CISD2: variants seen among roughly 807,000 people sequenced by gnomAD.
CISD2 encodes CDGSH iron sulfur domain 2.
A neutral mutation model predicts 12.9 loss-of-function variants in CISD2; 1 was observed. That is an observed-to-expected ratio of 0.08 (90% confidence interval 0.03 to 0.37). The LOEUF (loss-of-function observed/expected upper bound fraction) is 0.37. Ranked by LOEUF, CISD2 falls within the 10% of genes least tolerant of loss-of-function variation. CISD2 has a pLI of 0.99. For synonymous variants in CISD2, 50 were observed against 60.6 expected (o/e 0.83, Z 0.81); for missense variants, 97 against 163.1 (o/e 0.59, Z 2.21).
At chr4:102,887,150 A>G (rs1733968121) in intron 2 of CISD2, among the ~76,000 whole-genome samples, 191 bp from the exon 3 acceptor site, 1 of 152,224 alleles carries the variant, frequency 6.6e-6, no homozygotes, top group African/African-American at 2.4e-5. Flanking sequence ...AAACCAAATA[A>G]TGAAGTAACT....
intron 1 of CISD2, 77 bp from the exon 2 acceptor site, chr4:102,885,139 T>C: frequency 8.9e-7 from 1 of 1,120,640 alleles, no homozygotes; most frequent in South Asian, 1.3e-5. Context: ...AAGAATAAGC[T>C]CAAGGATGAA....
Position 102,891,878 on chromosome 4 carries a change from TC to T in CISD2, c.*4450del, listed in dbSNP as rs1257049549. The T allele has an allele frequency of 5.1e-4, 77 of 152,280 alleles. No individual in the cohort carries two copies. The highest frequency in any genetic ancestry group is 1.8e-3 in the African/African-American group (75 of 41,552). The allele number at this position is 152,280 out of a possible 1,614,324, so 9.4% of individuals were successfully genotyped here. The stretch of plus-strand genomic sequence containing the variant: ...CAGCAGTTCTGTGACTCCCTCAACA[TC>T]CGGTTGGCCATATAGTCCCTTTGCA... On this transcript the variant is annotated 3_prime_UTR_variant, in exon 3 of 3. Transcript: ENST00000273986.
At chr4:102,875,751 A>G (rs223325) in intron 1 of CISD2, among the ~76,000 whole-genome samples, 83,004 of 152,014 alleles carry the variant, frequency 0.55, 23,285 homozygotes, top group African/African-American at 0.68. Flanking sequence ...TTACCTAACT[A>G]TATAGTTTTA....
chr4:102,886,081 C>T (rs1313613455), intron 2 of CISD2, among the ~76,000 whole-genome samples: 1 of 152,036 alleles, frequency 6.6e-6, no homozygotes, highest in Non-Finnish European at 1.5e-5. Flanking sequence ...TTTTTATAAA[C>T]TAAATATCTG....
rs1353311133 is a variant in CISD2 at position 102,891,693 on chromosome 4, T to G, written c.*4263T>G. On this transcript the variant is annotated 3_prime_UTR_variant, in exon 3 of 3. Transcript: ENST00000273986. Reference sequence around the variant, plus strand: ...AGTTTTCCCATTCAATTGAAACATTTTTCAAGCTTAATGACTATAATTTAC... The same window carrying G: ...AGTTTTCCCATTCAATTGAAACATTGTTCAAGCTTAATGACTATAATTTAC... 1.3e-5 allele frequency: 2 copies of G among 152,236 alleles called. No homozygotes were observed. The highest frequency in any genetic ancestry group is 4.8e-5 in the African/African-American group (2 of 41,466). 9.4% of individuals were successfully genotyped at this position (152,236 alleles called of 1,614,324 possible). A position where few individuals can be genotyped will look rare whatever the true frequency, so the allele number is the denominator to read the frequency against.
At position 102,891,000 on chromosome 4, in the gene CISD2, G is replaced by A; in HGVS notation, c.*3570G>A. ...GGGGTGAATTAAAGACCACTTTGAA[G>A]GCTGGGAAAAGCAGATAATTTAGAT... On this transcript the variant is annotated 3_prime_UTR_variant, in exon 3 of 3. Coordinates refer to ENST00000273986, the MANE Select transcript of CISD2 (RefSeq NM_001008388.5). The A allele has an allele frequency of 6.6e-6, 1 of 150,998 alleles. No homozygotes were observed. The highest frequency in any genetic ancestry group is 1.9e-4 in the East Asian group (1 of 5,184). 9.4% of individuals were successfully genotyped at this position (150,998 alleles called of 1,614,324 possible). A position where few individuals can be genotyped will look rare whatever the true frequency, so the allele number is the denominator to read the frequency against.
chr4:102,884,842 T>C (rs1733822709), intron 1 of CISD2, among the ~76,000 whole-genome samples: 1 of 152,110 alleles, frequency 6.6e-6, no homozygotes, highest in African/African-American at 2.4e-5. Flanking sequence ...GACATAGTAT[T>C]AAGGAGATAA....
At chr4:102,873,147 C>T (rs1223907802) in intron 1 of CISD2, among the ~76,000 whole-genome samples, 1 of 152,192 alleles carries the variant, frequency 6.6e-6, no homozygotes, top group African/African-American at 2.4e-5. Context: ...TTACCTCCAC[C>T]TGGTCTTTCC....
rs946494503 is a variant in CISD2, at chr4:102,868,998, C to A, written c.-87C>A. On this transcript the variant is annotated 5_prime_UTR_variant, in exon 1 of 3. Coordinates refer to ENST00000273986, the MANE Select transcript of CISD2 (RefSeq NM_001008388.5). ...CGCCCAGGCCGAGGCCGCCAGTGCC[C>A]GCCGGCCGCTTCCGCTCCCGGCGCA... 4.9e-6 allele frequency: 7 copies of A among 1,440,528 alleles called. No homozygotes were observed. The highest frequency in any genetic ancestry group is 5.5e-6 in the Non-Finnish European group (6 of 1,094,750). The allele number at this position is 1,440,528 out of a possible 1,614,324, so 89.2% of individuals were successfully genotyped here.
At chr4:102,876,749 GA>G (rs112675674) in intron 1 of CISD2, among the ~76,000 whole-genome samples, 1,922 of 142,844 alleles carry the variant, frequency 0.013, 19 homozygotes, top group African/African-American at 0.037. Context: ...ACTCCATCTG[GA>G]AAAAAAAAAA....
Position 102,890,601 on chromosome 4 carries a change from G to A in CISD2, c.*3171G>A, listed in dbSNP as rs1311189684. On this transcript the variant is annotated 3_prime_UTR_variant, in exon 3 of 3. Coordinates refer to ENST00000273986, the MANE Select transcript of CISD2 (RefSeq NM_001008388.5). ...CACACCTGTAATCTCAGCACTTTGG[G>A]AGGCTGAGGTGGGTGGAGTACTTGA... is the stretch of plus-strand genomic sequence containing the variant. 6.6e-6 allele frequency: 1 copy of A among 152,078 alleles called. No individual in the cohort carries two copies. The highest frequency in any genetic ancestry group is 2.4e-5 in the African/African-American group (1 of 41,382). 9.4% of individuals were successfully genotyped at this position (152,078 alleles called of 1,614,324 possible).
chr4:102,885,018 G>A, intron 1 of CISD2, 198 bp from the exon 2 acceptor site: 1 of 553,506 alleles, frequency 1.8e-6, no homozygotes, highest in Non-Finnish European at 3.2e-6. Context: ...TAGTTTCACT[G>A]GTCTCAAATT....
intron 1 of CISD2, among the ~76,000 whole-genome samples, chr4:102,883,452 A>G (rs1177305912): frequency 2.0e-5 from 3 of 151,874 alleles, no homozygotes; most frequent in Non-Finnish European, 2.9e-5. Context: ...CTCCTGATCA[A>G]CCCTAGTACC....
At chr4:102,869,414 C>T (rs1195315827) in intron 1 of CISD2, 1 of 713,430 alleles carries the variant, frequency 1.4e-6, no homozygotes. Flanking sequence ...GAGTTGTCTC[C>T]GGTGTCATTC....
chr4:102,879,759 G>A (rs566776348), intron 1 of CISD2, among the ~76,000 whole-genome samples: 10 of 152,084 alleles, frequency 6.6e-5, no homozygotes, highest in East Asian at 5.8e-4. Flanking sequence ...GCGACAGAGC[G>A]AGACTCCATC....
intron 1 of CISD2, among the ~76,000 whole-genome samples, chr4:102,875,189 C>T (rs1219939807): frequency 2.6e-5 from 4 of 152,250 alleles, no homozygotes; most frequent in Non-Finnish European, 5.9e-5. Flanking sequence ...GCTTCCTCTG[C>T]ATGGAATGAA....
At chr4:102,872,021 A>G (rs943863093) in intron 1 of CISD2, among the ~76,000 whole-genome samples, 1 of 152,180 alleles carries the variant, frequency 6.6e-6, no homozygotes, top group African/African-American at 2.4e-5. Context: ...CACATTTTCA[A>G]GAGTGAGGCG....
At chr4:102,873,165 C>G (rs1260469135) in intron 1 of CISD2, among the ~76,000 whole-genome samples, 1 of 152,148 alleles carries the variant, frequency 6.6e-6, no homozygotes, top group Non-Finnish European at 1.5e-5. Context: ...TCCCTTGGCA[C>G]GAGATTATGG....
chr4:102,885,011 T>A (rs938229185), intron 1 of CISD2: 1 of 539,098 alleles, frequency 1.9e-6, no homozygotes, highest in Non-Finnish European at 3.3e-6. Flanking sequence ...AGGTTTCTAG[T>A]TTCACTGGTC....
Sources: gnomAD v4.1 joint callset for allele counts (sites outside exome capture counted in the v4.1 genomes callset) on GRCh38, gnomAD v4.1.1 for gene constraint, MANE v1.5 for transcripts, NCBI Gene and HGNC (gene_info 2026-07-23, HGNC 2026-07-21) for gene names.